Variants in CORO1C observed in about 807,000 individuals in gnomAD.
CORO1C encodes the protein coronin-1C.
Under a neutral mutation model 51.2 loss-of-function variants are expected in CORO1C, and 14 were observed. The observed-to-expected ratio is 0.27, with a 90% CI of 0.18 to 0.43. CORO1C has a LOEUF of 0.43. CORO1C is among the 20% of genes least tolerant of loss of function. The probability of loss-of-function intolerance (pLI) is 1.00; values close to 1 mark genes in which losing one functional copy is unlikely to be tolerated. For synonymous variants in CORO1C, 181 were observed against 210.5 expected (o/e 0.86, Z 1.21); for missense variants, 417 against 607.8 (o/e 0.69, Z 3.30).
At chr12:108,671,454 C>A (rs1592877244) in intron 3 of CORO1C, among the ~76,000 whole-genome samples, 5 of 112,698 alleles carry the variant, frequency 4.4e-5, no homozygotes, top group East Asian at 2.8e-4. Context: ...AAAACCAAAG[C>A]AAAGGAACAG....
Position 108,656,858 on chromosome 12 carries a change from G to A in CORO1C, c.750+446C>T, listed in dbSNP as rs546568498. The stretch of plus-strand genomic sequence containing the variant: ...ACAGATGCTTGAAGGCAGCATGCTC[G>A]TTAAGAGTCATCACCGCTCCCTAAT... On this transcript the variant is annotated intron_variant, in intron 6 of 10. Coordinates refer to ENST00000261401, the MANE Select transcript of CORO1C (RefSeq NM_014325.4). Among the ~76,000 whole-genome samples, 20 of 152,230 alleles carry A rather than the reference G, an allele frequency of 1.3e-4. 1 individual carries two copies. The South Asian group carries it at 2.3e-3, about 17-fold the overall frequency.
At chr12:108,707,453 T>C (rs772670611) in intron 1 of CORO1C, among the ~76,000 whole-genome samples, 16 of 152,212 alleles carry the variant, frequency 1.1e-4, no homozygotes, top group Admixed American at 2.0e-4. Context: ...TCTCAACAGA[T>C]GGTACTGGGA....
chr12:108,656,508 TGAG>T, intron 6 of CORO1C, among the ~76,000 whole-genome samples: 1 of 152,114 alleles, frequency 6.6e-6, no homozygotes, highest in Non-Finnish European at 1.5e-5. Context: ...TTCTGGGAAT[TGAG>T]GAGCCCCTCT....
At chr12:108,674,290 C>T (rs1430863547) in intron 3 of CORO1C, among the ~76,000 whole-genome samples, 2 of 152,134 alleles carry the variant, frequency 1.3e-5, no homozygotes, top group Admixed American at 6.5e-5. Flanking sequence ...GGGCTGGGCA[C>T]GGTGGCTCAC....
chr12:108,684,401 A>G (rs965188595), intron 2 of CORO1C, among the ~76,000 whole-genome samples: 2 of 152,198 alleles, frequency 1.3e-5, no homozygotes, highest in Non-Finnish European at 2.9e-5. Flanking sequence ...GAGGAAGTCC[A>G]GCCCAGCAAT....
intron 1 of CORO1C, among the ~76,000 whole-genome samples, chr12:108,710,095 AC>A (rs1313964522): frequency 6.6e-6 from 1 of 152,090 alleles, no homozygotes; most frequent in Admixed American, 6.6e-5. Flanking sequence ...GTAATTTATC[AC>A]TCTCCTCCTA....
At chr12:108,702,513 A>G (rs1490971074) in intron 1 of CORO1C, among the ~76,000 whole-genome samples, 1 of 152,164 alleles carries the variant, frequency 6.6e-6, no homozygotes, top group Non-Finnish European at 1.5e-5. Context: ...GACTGCACCC[A>G]ATGTAATTTT....
At chr12:108,728,041 C>A (rs1470844046) in intron 1 of CORO1C, among the ~76,000 whole-genome samples, 1 of 152,126 alleles carries the variant, frequency 6.6e-6, no homozygotes, top group Non-Finnish European at 1.5e-5. Context: ...ATCAAAAAGT[C>A]AGAGAGTAAC....
chr12:108,688,447 CA>C (rs150525554), intron 2 of CORO1C, among the ~76,000 whole-genome samples: 4,141 of 152,318 alleles, frequency 0.027, 87 homozygotes, highest in Middle Eastern at 0.085. Flanking sequence ...TTCACCTTCC[CA>C]AACTCTCGAA....
chr12:108,647,408 C>CT lies in CORO1C; in HGVS notation c.1419dup (p.Ala474SerfsTer28). ...TAGGGGTGGGGGTGGGACCTTCAGG[C>CT]TGCTATCTTTGCCATCTGCTGTTCT... On this transcript the variant is annotated frameshift_variant, in exon 11 of 11. Transcript: ENST00000261401. LOFTEE classifies it high-confidence loss of function. 1 of 1,613,362 alleles carries CT rather than the reference C, an allele frequency of 6.2e-7. No homozygotes were observed. Among genetic ancestry groups the CT allele is most frequent in the Non-Finnish European group, 8.5e-7 (1 of 1,179,766 alleles).
intron 1 of CORO1C, chr12:108,730,265 T>C (rs766228504): frequency 6.6e-6 from 1 of 152,218 alleles, no homozygotes; most frequent in Non-Finnish European, 1.5e-5. Context: ...CGGCCAAATA[T>C]AGGATGTGTT....
chr12:108,709,350 G>A (rs1306982812), intron 1 of CORO1C, among the ~76,000 whole-genome samples: 1 of 152,104 alleles, frequency 6.6e-6, no homozygotes, highest in Non-Finnish European at 1.5e-5. Context: ...CTGATTATGG[G>A]CTAAAAGTAG....
intron 1 of CORO1C, among the ~76,000 whole-genome samples, chr12:108,722,920 GA>G (rs2035506768): frequency 6.6e-6 from 1 of 152,216 alleles, no homozygotes; most frequent in East Asian, 1.9e-4. Context: ...GGAGAAAAAA[GA>G]AGACTTCCAA....
At chr12:108,707,555 T>C (rs2035062187) in intron 1 of CORO1C, among the ~76,000 whole-genome samples, 1 of 152,080 alleles carries the variant, frequency 6.6e-6, no homozygotes, top group South Asian at 2.1e-4. Context: ...TAGGAGTAAA[T>C]CTTCACAGCC....
chr12:108,671,550 G>A (rs1379806317), intron 3 of CORO1C, among the ~76,000 whole-genome samples: 1 of 149,514 alleles, frequency 6.7e-6, no homozygotes, highest in Non-Finnish European at 1.5e-5. Flanking sequence ...GGTATCTAGA[G>A]ATACCAACTC....
chr12:108,655,643 A>C (rs1177706399), intron 6 of CORO1C, among the ~76,000 whole-genome samples: 2 of 152,300 alleles, frequency 1.3e-5, no homozygotes, highest in African/African-American at 4.8e-5. Flanking sequence ...CGGCCTCCCG[A>C]GGTGCCGGGA....
At chr12:108,714,119 A>C (rs7969979) in intron 1 of CORO1C, among the ~76,000 whole-genome samples, 1 of 151,914 alleles carries the variant, frequency 6.6e-6, no homozygotes, top group Non-Finnish European at 1.5e-5. Flanking sequence ...GGCCGGGCAC[A>C]GTGGCTCACA....
chr12:108,687,692 C>T (rs778128495), intron 2 of CORO1C, among the ~76,000 whole-genome samples: 8 of 149,920 alleles, frequency 5.3e-5, no homozygotes, highest in Non-Finnish European at 1.0e-4. Context: ...GGCTGAGGCA[C>T]GAGAATCGCT....
chr12:108,726,706 T>G (rs984977463), intron 1 of CORO1C, among the ~76,000 whole-genome samples: 6 of 151,986 alleles, frequency 3.9e-5, no homozygotes, highest in Admixed American at 2.6e-4. Context: ...AAATCCAATT[T>G]ACAACCATTC....
Sources: allele counts gnomAD v4.1 joint callset (sites outside exome capture counted in the v4.1 genomes callset), GRCh38; gene constraint gnomAD v4.1.1; transcripts MANE v1.5; gene names NCBI Gene and HGNC (gene_info 2026-07-23, HGNC 2026-07-21).